GPR176: variants seen among roughly 807,000 people sequenced by gnomAD.
The protein encoded by GPR176 is G protein-coupled receptor 176.
A neutral mutation model predicts 35.4 loss-of-function variants in GPR176; 26 were observed. The observed-to-expected ratio is 0.74, with a 90% CI of 0.54 to 1.02. The LOEUF is 1.02. GPR176 is among the 50% of genes least tolerant of loss of function. The pLI, the probability that GPR176 is intolerant of heterozygous loss-of-function variation, is 0.00. For missense variants in GPR176, 597 were observed against 665.3 expected (o/e 0.90, Z 1.13); for synonymous variants, 278 against 271.3 (o/e 1.02, Z -0.24).
At position 39,799,672 on chromosome 15, in the gene GPR176, G is replaced by C. The variant is rs1230883492; in HGVS notation, c.*1460C>G. 1.3e-5 allele frequency: 2 copies of C among 152,238 alleles called. No homozygotes were observed. Among genetic ancestry groups the C allele is most frequent in the Non-Finnish European group, 2.9e-5 (2 of 68,058 alleles). 9.4% of individuals were successfully genotyped at this position (152,238 alleles called of 1,614,324 possible). On this transcript the variant is annotated 3_prime_UTR_variant, in exon 3 of 3. Coordinates refer to ENST00000561100, the MANE Select transcript of GPR176 (RefSeq NM_007223.3). ...CAAGCTTGCTCAAGGCACCAGACTA[G>C]CTCCTGTAAGTACCAAGAGCAAGAA...
chr15:39,894,291 CG>C (rs2033012740), intron 1 of GPR176, among the ~76,000 whole-genome samples: 1 of 101,180 alleles, frequency 9.9e-6, no homozygotes, highest in Non-Finnish European at 2.4e-5. Context: ...CCGGACGGGG[CG>C]GCTGGCCGGG....
chr15:39,819,941 A>G (rs1013120773), intron 1 of GPR176, among the ~76,000 whole-genome samples: 2 of 152,218 alleles, frequency 1.3e-5, no homozygotes, highest in East Asian at 3.9e-4. Flanking sequence ...AATGACATTA[A>G]TTAAAAGCTG....
intron 1 of GPR176, among the ~76,000 whole-genome samples, chr15:39,819,952 A>G (rs1900158460): frequency 6.6e-6 from 1 of 152,234 alleles, no homozygotes; most frequent in South Asian, 2.1e-4. Context: ...TTAAAAGCTG[A>G]AAATATCATT....
At chr15:39,874,679 T>A (rs1209465211) in intron 1 of GPR176, among the ~76,000 whole-genome samples, 4 of 152,252 alleles carry the variant, frequency 2.6e-5, no homozygotes. Context: ...AGTAATAGAA[T>A]GTTTCTTATT....
At chr15:39,863,687 T>C (rs2031707275) in intron 1 of GPR176, among the ~76,000 whole-genome samples, 3 of 152,340 alleles carry the variant, frequency 2.0e-5, no homozygotes, top group African/African-American at 4.8e-5. Context: ...GCAAGCTCCA[T>C]TCATGTTAAG....
At chr15:39,846,982 T>C (rs544128646) in intron 1 of GPR176, among the ~76,000 whole-genome samples, 78 of 145,472 alleles carry the variant, frequency 5.4e-4, no homozygotes, top group Non-Finnish European at 1.1e-3. Context: ...ATAGAGGAAA[T>C]AGTTACAACA....
chr15:39,850,812 T>TA (rs916001656), intron 1 of GPR176, among the ~76,000 whole-genome samples: 23 of 151,704 alleles, frequency 1.5e-4, no homozygotes, highest in Middle Eastern at 3.4e-3. Context: ...AATTTAAAAA[T>TA]AAAAAAATCA....
intron 1 of GPR176, among the ~76,000 whole-genome samples, chr15:39,913,610 T>G (rs559564720): frequency 3.5e-4 from 53 of 151,900 alleles, no homozygotes; most frequent in Admixed American, 3.4e-3. Context: ...TGCCTAGGGC[T>G]CAAGGTATTG....
intron 1 of GPR176, chr15:39,829,295 G>A: frequency 2.1e-6 from 3 of 1,402,114 alleles, no homozygotes; most frequent in Non-Finnish European, 2.8e-6. Context: ...AAAGAACTTG[G>A]TGAGAGTAAG....
At chr15:39,847,719 G>A (rs2030540034) in intron 1 of GPR176, among the ~76,000 whole-genome samples, 1 of 144,140 alleles carries the variant, frequency 6.9e-6, no homozygotes. Flanking sequence ...CTCCAGCCTG[G>A]GTGACAAAGC....
At chr15:39,902,291 A>T (rs532215177) in intron 1 of GPR176, among the ~76,000 whole-genome samples, 6 of 152,204 alleles carry the variant, frequency 3.9e-5, no homozygotes, top group Non-Finnish European at 7.3e-5. Flanking sequence ...CCAGGCTAGA[A>T]TTTACCCTTC....
intron 1 of GPR176, among the ~76,000 whole-genome samples, chr15:39,838,154 G>T (rs1176389357): frequency 6.6e-6 from 1 of 152,024 alleles, no homozygotes. Flanking sequence ...CAAATATGCT[G>T]GGTTTTTCAA....
intron 1 of GPR176, among the ~76,000 whole-genome samples, chr15:39,874,835 G>C (rs140376317): frequency 0.011 from 1,618 of 152,264 alleles, 31 homozygotes; most frequent in African/African-American, 0.038. Flanking sequence ...CCTGAGGTCG[G>C]GAGTTCAAGA....
At chr15:39,896,284 G>A (rs2140866301) in intron 1 of GPR176, among the ~76,000 whole-genome samples, 1 of 151,670 alleles carries the variant, frequency 6.6e-6, no homozygotes, top group East Asian at 1.9e-4. Context: ...GTCTCACAAA[G>A]TTTCCTAGAC....
At position 39,910,991 on chromosome 15, in the gene GPR176, T is replaced by C. The variant is rs368724152; in HGVS notation, c.172+8864A>G. 2.0e-4 allele frequency among the ~76,000 whole-genome samples: 31 copies of C among 152,088 alleles called. No homozygotes were observed. The East Asian group carries it at 5.6e-3, about 27-fold the overall frequency. On this transcript the variant is annotated intron_variant, in intron 1 of 2. Transcript: ENST00000561100. ...AGGCAGAGGTTGCAGTTAGTCAAGG[T>C]TGTACCACTGCACTCCAGTCTGAGC...
chr15:39,881,384 T>C (rs1363843162), intron 1 of GPR176, among the ~76,000 whole-genome samples: 1 of 152,222 alleles, frequency 6.6e-6, no homozygotes, highest in African/African-American at 2.4e-5. Context: ...ACTGTCTACC[T>C]ACTACCTACT....
At chr15:39,847,271 C>G (rs1296878327) in intron 1 of GPR176, among the ~76,000 whole-genome samples, 1 of 152,122 alleles carries the variant, frequency 6.6e-6, no homozygotes, top group Non-Finnish European at 1.5e-5. Context: ...TAAGCCCTAA[C>G]ATATCAATAA....
intron 1 of GPR176, among the ~76,000 whole-genome samples, chr15:39,914,778 T>C (rs1167022363): frequency 6.6e-6 from 1 of 152,220 alleles, no homozygotes; most frequent in African/African-American, 2.4e-5. Context: ...AGTATTATAG[T>C]ATTAACACAT....
chr15:39,888,014 T>TAG lies in GPR176; in HGVS notation c.172+31840_172+31841insCT, dbSNP rs1157965723. 1.7e-3 allele frequency among the ~76,000 whole-genome samples: 261 copies of TAG among 152,336 alleles called. 2 individuals carry two copies. The highest frequency in any genetic ancestry group is 4.7e-4 in the Non-Finnish European group (32 of 68,032). On this transcript the variant is annotated intron_variant, in intron 1 of 2. Transcript: ENST00000561100. Reference sequence around the variant, plus strand: ...CACAACAAACTTTCTAACTTAGCTTTATCTACCAGGAGTTTCCCATGTATT... The same window carrying TAG: ...CACAACAAACTTTCTAACTTAGCTTTAGATCTACCAGGAGTTTCCCATGTATT...
Sources: gnomAD v4.1 joint callset for allele counts (sites outside exome capture counted in the v4.1 genomes callset) on GRCh38, gnomAD v4.1.1 for gene constraint, MANE v1.5 for transcripts, NCBI Gene and HGNC (gene_info 2026-07-23, HGNC 2026-07-21) for gene names.